The following PPFIA1 variants were observed in gnomAD, a reference collection of about 807,000 sequenced individuals.
PPFIA1 encodes the protein liprin-alpha-1.
In PPFIA1, 25 loss-of-function variants were observed where a neutral mutation model predicts 149.9. That is an observed-to-expected ratio of 0.17 (90% CI 0.12 to 0.23). The LOEUF is 0.23. Ranked by LOEUF, PPFIA1 falls within the 10% of genes least tolerant of loss-of-function variation. PPFIA1 has a pLI of 1.00. For missense variants in PPFIA1, 1,362 were observed against 1,506.5 expected, an observed-to-expected ratio of 0.90 and a Z score of 1.59; for synonymous variants, 549 against 552.8, an observed-to-expected ratio of 0.99 and a Z score of 0.10.
At chr11:70,282,185 G>C (rs779451893) in intron 2 of PPFIA1, among the ~76,000 whole-genome samples, 27 of 152,240 alleles carry the variant, frequency 1.8e-4, no homozygotes, top group Non-Finnish European at 3.1e-4. Context: ...TCCAATTCCC[G>C]TCTTGGCCAC....
chr11:70,298,718 C>T (rs1215219480), intron 2 of PPFIA1, among the ~76,000 whole-genome samples: 1 of 152,166 alleles, frequency 6.6e-6, no homozygotes, highest in Non-Finnish European at 1.5e-5. Flanking sequence ...TGCCTCCCCA[C>T]CTTAGAGTGC....
At chr11:70,378,218 C>G in intron 26 of PPFIA1, 23 bp downstream of exon 26, 2 of 1,602,300 alleles carry the variant, frequency 1.2e-6, no homozygotes, top group Non-Finnish European at 1.7e-6. Context: ...TCACACTAAC[C>G]TGTCACTTGT....
At chr11:70,365,732 C>T (rs1453996418) in intron 21 of PPFIA1, 1 of 356,228 alleles carries the variant, frequency 2.8e-6, no homozygotes, top group African/African-American at 2.1e-5. Flanking sequence ...TTTCTCCTTC[C>T]ATGAATATGC....
chr11:70,325,090 G>GT, intron 4 of PPFIA1, 79 bp downstream of exon 4: 1 of 1,368,268 alleles, frequency 7.3e-7, no homozygotes, highest in South Asian at 1.6e-5. Flanking sequence ...TGTAACTTTT[G>GT]TTTTTTGAAG....
intron 2 of PPFIA1, among the ~76,000 whole-genome samples, chr11:70,286,794 A>G (rs1304900226): frequency 1.2e-5 from 1 of 83,896 alleles, no homozygotes; most frequent in Admixed American, 1.6e-4. Flanking sequence ...GTCTCACTTT[A>G]TCACCCAGGT....
intron 16 of PPFIA1, among the ~76,000 whole-genome samples, chr11:70,351,420 G>A (rs1196261145): frequency 6.6e-6 from 1 of 152,222 alleles, no homozygotes; most frequent in African/African-American, 2.4e-5. Flanking sequence ...ACTGTGCTGA[G>A]TGCTTTCCCA....
intron 15 of PPFIA1, among the ~76,000 whole-genome samples, chr11:70,347,401 A>G (rs1253136462): frequency 1.3e-5 from 2 of 152,210 alleles, no homozygotes; most frequent in East Asian, 3.8e-4. Flanking sequence ...AAGATGTAGT[A>G]TATTAAAAAA....
chr11:70,293,356 C>T (rs1448507450), intron 2 of PPFIA1, among the ~76,000 whole-genome samples: 1 of 152,162 alleles, frequency 6.6e-6, no homozygotes, highest in African/African-American at 2.4e-5. Context: ...AAGTGTGTGA[C>T]ACTATTGTTT....
chr11:70,297,101 G>T (rs2052105276), intron 2 of PPFIA1, among the ~76,000 whole-genome samples: 1 of 152,102 alleles, frequency 6.6e-6, no homozygotes, highest in African/African-American at 2.4e-5. Context: ...AGTTAATTGT[G>T]ATCAATAGAA....
In PPFIA1 at chr11:70,348,215, C is replaced by A. The variant is rs767937636; in HGVS notation, c.1958C>A (p.Thr653Lys). The A allele has an allele frequency of 6.2e-7, 1 of 1,614,066 alleles. No homozygotes were observed. The highest frequency in any genetic ancestry group is 8.5e-7 in the Non-Finnish European group (1 of 1,180,030). Residue 653 changes from threonine (T) to lysine (K), a missense_variant, in exon 16 of 28, where the codon ACA becomes AAA. This residue lies in a region of PPFIA1 where 733 missense variants were observed against 744.1 expected (regional missense o/e 0.99). Coordinates refer to ENST00000253925, the MANE Select transcript of PPFIA1 (RefSeq NM_003626.5). ...IRLIQEEKEN[T>K]EQRAEEIESR... ...TTGATTCAGGAAGAAAAAGAAAATACAGAGCAGCGGGCAGAGGAGATTGAA... is the reference window on the plus strand; with the variant it reads ...TTGATTCAGGAAGAAAAAGAAAATAAAGAGCAGCGGGCAGAGGAGATTGAA...
intron 2 of PPFIA1, among the ~76,000 whole-genome samples, chr11:70,292,489 C>T (rs2051603915): frequency 6.6e-6 from 1 of 152,234 alleles, no homozygotes; most frequent in East Asian, 1.9e-4. Context: ...CACGTTCCCT[C>T]ATCACTGAGC....
Position 70,367,949 on chromosome 11 carries a change from C to T in PPFIA1, c.2866-4266C>T, listed in dbSNP as rs141152427. Among the ~76,000 whole-genome samples the T allele has an allele frequency of 1.2e-3, 181 of 152,210 alleles. 1 individual carries two copies. The highest frequency in any genetic ancestry group is 4.0e-3 in the African/African-American group (166 of 41,520). ...CCCAGGAGTTCAAGACCAGCCTGGG[C>T]AACGTGGGGAAACCCTGTCTCTACA... is the stretch of plus-strand genomic sequence containing the variant. On this transcript the variant is annotated intron_variant, in intron 21 of 27. Coordinates refer to ENST00000253925, the MANE Select transcript of PPFIA1 (RefSeq NM_003626.5).
At chr11:70,354,125 A>G (rs1381662344) in intron 16 of PPFIA1, 176 bp from the exon 17 acceptor site, 1 of 613,726 alleles carries the variant, frequency 1.6e-6, no homozygotes, top group Non-Finnish European at 2.7e-6. Context: ...GGAGTCTGAC[A>G]ACTCTGTGGT....
chr11:70,275,701 T>C (rs2050343002), intron 2 of PPFIA1, among the ~76,000 whole-genome samples: 1 of 152,210 alleles, frequency 6.6e-6, no homozygotes, highest in African/African-American at 2.4e-5. Context: ...GTCATCTCAG[T>C]CCAGTGACTG....
At chr11:70,309,844 G>T (rs1292926646) in intron 2 of PPFIA1, among the ~76,000 whole-genome samples, 1 of 152,170 alleles carries the variant, frequency 6.6e-6, no homozygotes, top group African/African-American at 2.4e-5. Flanking sequence ...CTAGGGCGGA[G>T]AGGGGAGGGA....
At chr11:70,279,593 A>C (rs895978030) in intron 2 of PPFIA1, among the ~76,000 whole-genome samples, 13 of 139,960 alleles carry the variant, frequency 9.3e-5, no homozygotes, top group African/African-American at 3.6e-4. Context: ...TTTTTTTTTG[A>C]GATGGAGTTT....
rs375157078 is a variant in PPFIA1, at chr11:70,379,773, C to T, written c.3550+1578C>T. ...TAAATAAAACCTTAGTTAAGCTGGA[C>T]GCTTTGGGTGAGAATAGCTTACTTT... On this transcript the variant is annotated intron_variant, in intron 26 of 27. Transcript: ENST00000253925. Among the ~76,000 whole-genome samples the T allele has an allele frequency of 9.2e-5, 14 of 152,212 alleles. No individual in the cohort carries two copies. The East Asian group carries it at 1.4e-3, about 15-fold the overall frequency.
At chr11:70,360,846 G>T (rs1489532361) in intron 19 of PPFIA1, among the ~76,000 whole-genome samples, 1 of 152,216 alleles carries the variant, frequency 6.6e-6, no homozygotes, top group Non-Finnish European at 1.5e-5. Flanking sequence ...AAGCAGCCTA[G>T]GGATGTTTGA....
At chr11:70,346,141 A>G (rs35455860) in intron 15 of PPFIA1, 4,454 of 329,856 alleles carry the variant, frequency 0.014, 51 homozygotes, top group Non-Finnish European at 0.021. Flanking sequence ...ATTTATGAAG[A>G]GACCGGTAAA....
Sources: allele counts gnomAD v4.1 joint callset (sites outside exome capture counted in the v4.1 genomes callset), GRCh38; gene constraint gnomAD v4.1.1; regional missense constraint gnomAD v4.1.1; transcripts MANE v1.5; gene names NCBI Gene and HGNC (gene_info 2026-07-23, HGNC 2026-07-21).